The following LUZP2 variants were observed in gnomAD, a reference collection of about 807,000 sequenced individuals.
LUZP2 encodes leucine zipper protein 2.
Under a neutral mutation model 51.6 loss-of-function variants are expected in LUZP2, and 52 were observed. That is an observed-to-expected ratio of 1.01 (90% CI 0.81 to 1.27). The LOEUF (loss-of-function observed/expected upper bound fraction) is 1.27. Ranked by LOEUF, LUZP2 falls within the 50% of genes most tolerant of loss-of-function variation. The pLI is 0.00. For missense variants in LUZP2, 436 were observed against 395.4 expected (o/e 1.10, Z -0.87); for synonymous variants, 154 against 137.3 (o/e 1.12, Z -0.85).
chr11:24,908,242 GATA>G (rs1197735132), intron 6 of LUZP2, among the ~76,000 whole-genome samples: 5 of 151,956 alleles, frequency 3.3e-5, no homozygotes, highest in Non-Finnish European at 5.9e-5. Flanking sequence ...TTTGCCAGAG[GATA>G]ATATTCACAA....
In LUZP2 at chr11:24,790,842, T is replaced by G. The variant is rs1047417618; in HGVS notation, c.396+27534T>G. On this transcript the variant is annotated intron_variant, in intron 5 of 11. Coordinates refer to ENST00000336930, the MANE Select transcript of LUZP2 (RefSeq NM_001009909.4). ...TGTCTTTGTTAGATATTTCTTAAAT[T>G]TTTAGCTATTTATTGTTCAAGTGTT... Among the ~76,000 whole-genome samples the G allele has an allele frequency of 3.3e-5, 5 of 152,284 alleles. No homozygotes were observed. The South Asian group carries it at 1.0e-3, about 32-fold the overall frequency.
chr11:24,875,569 G>A (rs1027836260), intron 5 of LUZP2, among the ~76,000 whole-genome samples: 50 of 147,010 alleles, frequency 3.4e-4, no homozygotes, highest in South Asian at 1.1e-3. Context: ...ACATACGTGT[G>A]CATGTGTTTT....
intron 1 of LUZP2, among the ~76,000 whole-genome samples, chr11:24,724,587 A>C (rs1858404148): frequency 6.6e-6 from 1 of 152,136 alleles, no homozygotes; most frequent in Non-Finnish European, 1.5e-5. Context: ...TCAATCAATC[A>C]ATTAATTAAA....
chr11:24,990,666 G>C (rs570994918), intron 9 of LUZP2, among the ~76,000 whole-genome samples: 1 of 152,158 alleles, frequency 6.6e-6, no homozygotes, highest in East Asian at 1.9e-4. Flanking sequence ...ACAGTAAATA[G>C]AGTTGGCACA....
intron 7 of LUZP2, among the ~76,000 whole-genome samples, chr11:24,948,439 T>A (rs1441544130): frequency 6.6e-6 from 1 of 151,754 alleles, no homozygotes; most frequent in Non-Finnish European, 1.5e-5. Context: ...TCAAAGGTAA[T>A]TTATATGCCC....
intron 7 of LUZP2, among the ~76,000 whole-genome samples, chr11:24,936,709 T>C (rs1854598101): frequency 6.6e-6 from 1 of 152,104 alleles, no homozygotes; most frequent in Non-Finnish European, 1.5e-5. Flanking sequence ...TTTTCTATAG[T>C]CTTTGTTTCT....
intron 1 of LUZP2, among the ~76,000 whole-genome samples, chr11:24,541,204 G>C (rs1048987360): frequency 7.5e-6 from 1 of 133,386 alleles, no homozygotes; most frequent in African/African-American, 2.8e-5. Flanking sequence ...AGTAAGCCAA[G>C]ATTGCACCAT....
In LUZP2 at chr11:24,806,909, A is replaced by C. The variant is rs532385511; in HGVS notation, c.396+43601A>C. ...AGTTGGTTGGAGGATAGGGGATGAC[A>C]AAAAAAAAATCAAAAAATTAGAAAA... On this transcript the variant is annotated intron_variant, in intron 5 of 11. Coordinates refer to ENST00000336930, the MANE Select transcript of LUZP2 (RefSeq NM_001009909.4). Among the ~76,000 whole-genome samples, 5 of 117,098 alleles carry C rather than the reference A, an allele frequency of 4.3e-5. 1 individual carries two copies. The South Asian group carries it at 1.2e-3, about 29-fold the overall frequency. 76.8% of individuals were successfully genotyped at this position (117,098 alleles called of 152,430 possible).
chr11:24,561,935 GAC>G (rs920926292), intron 1 of LUZP2, among the ~76,000 whole-genome samples: 1 of 152,018 alleles, frequency 6.6e-6, no homozygotes, highest in African/African-American at 2.4e-5. Context: ...GCCAAATGAA[GAC>G]AGATAGGAAA....
At chr11:24,581,502 C>A (rs908227430) in intron 1 of LUZP2, among the ~76,000 whole-genome samples, 3 of 149,564 alleles carry the variant, frequency 2.0e-5, no homozygotes, top group Admixed American at 6.8e-5. Context: ...GAAATCCCAT[C>A]TGGACTAAAA....
chr11:24,553,641 C>T (rs968919201), intron 1 of LUZP2, among the ~76,000 whole-genome samples: 3 of 152,074 alleles, frequency 2.0e-5, no homozygotes, highest in Non-Finnish European at 4.4e-5. Context: ...TAGGACCGTT[C>T]TCTCTTCCTT....
intron 5 of LUZP2, among the ~76,000 whole-genome samples, chr11:24,835,912 A>G (rs1850847347): frequency 6.6e-6 from 1 of 152,002 alleles, no homozygotes; most frequent in Non-Finnish European, 1.5e-5. Context: ...CAGTTTCATG[A>G]GTTATTAAGA....
At chr11:24,897,418 G>T (rs1265467332) in intron 5 of LUZP2, among the ~76,000 whole-genome samples, 1 of 152,114 alleles carries the variant, frequency 6.6e-6, no homozygotes, top group Non-Finnish European at 1.5e-5. Context: ...AACACTCATT[G>T]CGAAGGTCCA....
At chr11:24,670,647 A>G (rs1410756728) in intron 1 of LUZP2, among the ~76,000 whole-genome samples, 1 of 151,974 alleles carries the variant, frequency 6.6e-6, no homozygotes, top group Non-Finnish European at 1.5e-5. Context: ...ATAAATTTCT[A>G]ATCAGTTTTG....
At chr11:24,501,858 A>G (rs1378532662) in intron 1 of LUZP2, among the ~76,000 whole-genome samples, 1 of 152,216 alleles carries the variant, frequency 6.6e-6, no homozygotes, top group Non-Finnish European at 1.5e-5. Context: ...ACAAATTTCT[A>G]AGTGTGAATG....
At chr11:24,977,311 A>T (rs1855907446) in intron 8 of LUZP2, among the ~76,000 whole-genome samples, 1 of 151,660 alleles carries the variant, frequency 6.6e-6, no homozygotes, top group African/African-American at 2.4e-5. Context: ...ATGTTCAATG[A>T]GAAAAGCAGA....
At chr11:24,923,310 G>T (rs1854129582) in intron 7 of LUZP2, among the ~76,000 whole-genome samples, 2 of 151,780 alleles carry the variant, frequency 1.3e-5, no homozygotes, top group Non-Finnish European at 2.9e-5. Context: ...AAAATCTTCG[G>T]TCCCCAAACT....
At chr11:24,629,390 T>C (rs1854795602) in intron 1 of LUZP2, among the ~76,000 whole-genome samples, 1 of 151,450 alleles carries the variant, frequency 6.6e-6, no homozygotes, top group South Asian at 2.1e-4. Context: ...GCACCATTTA[T>C]ATTGCTGTAA....
intron 1 of LUZP2, among the ~76,000 whole-genome samples, chr11:24,636,644 T>C (rs1237624115): frequency 6.6e-6 from 1 of 152,194 alleles, no homozygotes; most frequent in Non-Finnish European, 1.5e-5. Flanking sequence ...TTGGCACAAC[T>C]AACGTTGTCC....
Sources: gnomAD v4.1 joint callset for allele counts (sites outside exome capture counted in the v4.1 genomes callset) on GRCh38, gnomAD v4.1.1 for gene constraint, MANE v1.5 for transcripts, NCBI Gene and HGNC (gene_info 2026-07-23, HGNC 2026-07-21) for gene names.